Variants in ABLIM3 observed in about 807,000 individuals in gnomAD.
The protein encoded by ABLIM3 is actin binding LIM protein family member 3.
Under a neutral mutation model 109.5 loss-of-function variants are expected in ABLIM3, and 61 were observed. That is an observed-to-expected ratio of 0.56 (90% confidence interval 0.45 to 0.69). The LOEUF is 0.69. Among genes scored for constraint, ABLIM3 ranks in the 30% least tolerant of loss-of-function variants. The pLI is 0.00. For missense variants in ABLIM3, 796 were observed against 889.5 expected (o/e 0.89, Z 1.34); for synonymous variants, 300 against 324.8 (o/e 0.92, Z 0.82).
At chr5:149,193,596 G>C (rs769131939) in intron 3 of ABLIM3, among the ~76,000 whole-genome samples, 11 of 151,998 alleles carry the variant, frequency 7.2e-5, no homozygotes, top group Non-Finnish European at 1.0e-4. Context: ...GTTTTCCATA[G>C]AAATTAAGAA....
chr5:149,184,404 C>T (rs568409753), intron 3 of ABLIM3, among the ~76,000 whole-genome samples: 122 of 152,306 alleles, frequency 8.0e-4, no homozygotes, highest in African/African-American at 2.8e-3. Flanking sequence ...TATTTGTCCT[C>T]ATAAAGTCTG....
chr5:149,185,655 A>G (rs1756884989), intron 3 of ABLIM3, among the ~76,000 whole-genome samples: 1 of 152,216 alleles, frequency 6.6e-6, no homozygotes, highest in Non-Finnish European at 1.5e-5. Context: ...AATATTTTCA[A>G]TGTCCGTTTG....
rs900821062 is a variant in ABLIM3 at position 149,191,302 on chromosome 5, T to C, written c.152-6917T>C. Among the ~76,000 whole-genome samples, 16 of 152,222 alleles carry C rather than the reference T, an allele frequency of 1.1e-4. No individual in the cohort carries two copies. The South Asian group carries it at 1.2e-3, about 12-fold the overall frequency. The stretch of plus-strand genomic sequence containing the variant: ...CATAAAAAGAAATATTATAAACAAT[T>C]TGAGTAATAAATTTTAAAACTTAGA... On this transcript the variant is annotated intron_variant, in intron 3 of 23. Coordinates refer to ENST00000309868, the MANE Select transcript of ABLIM3 (RefSeq NM_014945.5).
At chr5:149,180,872 G>A (rs1009866669) in intron 2 of ABLIM3, among the ~76,000 whole-genome samples, 4 of 152,042 alleles carry the variant, frequency 2.6e-5, no homozygotes, top group South Asian at 2.1e-4. Context: ...TTTTTTATCC[G>A]GGTGGTTCAA....
chr5:149,172,637 G>A (rs1218092084), intron 2 of ABLIM3, among the ~76,000 whole-genome samples: 1 of 152,182 alleles, frequency 6.6e-6, no homozygotes. Context: ...CCACAGGCAG[G>A]ATCCAGCCCC....
At chr5:149,164,343 T>G (rs1349345918) in intron 2 of ABLIM3, 1 of 152,210 alleles carries the variant, frequency 6.6e-6, no homozygotes, top group Non-Finnish European at 1.5e-5. Flanking sequence ...GTTTGTTGAG[T>G]GCCCACAAGA....
chr5:149,233,495 G>T (rs1347144905), intron 10 of ABLIM3, among the ~76,000 whole-genome samples, 195 bp downstream of exon 10: 2 of 152,178 alleles, frequency 1.3e-5, no homozygotes, highest in African/African-American at 4.8e-5. Context: ...CCCTCATGAA[G>T]CAAACAGTCT....
intron 3 of ABLIM3, among the ~76,000 whole-genome samples, chr5:149,186,429 A>T (rs1756965256): frequency 6.6e-6 from 1 of 152,154 alleles, no homozygotes; most frequent in Non-Finnish European, 1.5e-5. Flanking sequence ...AAAAAAAATT[A>T]TGAAAAATTA....
chr5:149,190,163 A>G (rs1757348452), intron 3 of ABLIM3, among the ~76,000 whole-genome samples: 1 of 152,226 alleles, frequency 6.6e-6, no homozygotes, highest in South Asian at 2.1e-4. Flanking sequence ...GGCATATTAT[A>G]TAAAGACAGA....
intron 14 of ABLIM3, among the ~76,000 whole-genome samples, chr5:149,241,821 G>A (rs73269831): frequency 0.037 from 5,603 of 152,234 alleles, 155 homozygotes; most frequent in African/African-American, 0.082. Flanking sequence ...CCCAGGCAGA[G>A]GGAAGAGCAC....
intron 5 of ABLIM3, among the ~76,000 whole-genome samples, chr5:149,206,238 AG>A (rs1375612342): frequency 6.6e-6 from 1 of 152,158 alleles, no homozygotes; most frequent in Non-Finnish European, 1.5e-5. Flanking sequence ...CTCACATTCC[AG>A]GGTGACCGTG....
At chr5:149,225,924 CAT>C (rs1242776430) in intron 8 of ABLIM3, among the ~76,000 whole-genome samples, 175 of 38,642 alleles carry the variant, frequency 4.5e-3, no homozygotes, top group African/African-American at 9.6e-3. Flanking sequence ...ATCATATATA[CAT>C]ATATATATAT....
At chr5:149,245,786 T>C (rs896517445) in intron 16 of ABLIM3, among the ~76,000 whole-genome samples, 6 of 152,066 alleles carry the variant, frequency 3.9e-5, no homozygotes, top group African/African-American at 1.4e-4. Context: ...GGGGAAATTT[T>C]TCCCCCCATC....
intron 10 of ABLIM3, 39 bp downstream of exon 10, chr5:149,233,339 T>C (rs1333802706): frequency 8.8e-6 from 14 of 1,590,376 alleles, no homozygotes; most frequent in Non-Finnish European, 1.2e-5. Context: ...GCCTTCTTTA[T>C]TCCTGACCTG....
chr5:149,142,312 T>C (rs538690790), intron 2 of ABLIM3, among the ~76,000 whole-genome samples: 1 of 152,320 alleles, frequency 6.6e-6, no homozygotes, highest in East Asian at 1.9e-4. Context: ...TTTGCCAATA[T>C]TTTATCAGCG....
At chr5:149,220,824 C>T (rs1033259101) in intron 8 of ABLIM3, 1 of 152,164 alleles carries the variant, frequency 6.6e-6, no homozygotes, top group East Asian at 1.9e-4. Flanking sequence ...ACATCATCGT[C>T]TTTCATTGAT....
intron 2 of ABLIM3, among the ~76,000 whole-genome samples, chr5:149,151,853 T>A (rs1753464130): frequency 6.6e-6 from 1 of 152,234 alleles, no homozygotes. Flanking sequence ...ATTGTTCATT[T>A]GTTTATTCAT....
chr5:149,237,421 T>C, intron 10 of ABLIM3, 27 bp from the exon 11 acceptor site: 2 of 1,611,440 alleles, frequency 1.2e-6, no homozygotes, highest in Non-Finnish European at 1.7e-6. Context: ...TTTCTATTCC[T>C]TTCCTGTCCA....
At chr5:149,178,536 T>C (rs563345355) in intron 2 of ABLIM3, among the ~76,000 whole-genome samples, 3 of 152,312 alleles carry the variant, frequency 2.0e-5, no homozygotes, top group African/African-American at 7.2e-5. Flanking sequence ...GCATAGGTGC[T>C]CCTACCTTTT....
Sources: allele counts gnomAD v4.1 joint callset (sites outside exome capture counted in the v4.1 genomes callset), GRCh38; gene constraint gnomAD v4.1.1; transcripts MANE v1.5; gene names NCBI Gene and HGNC (gene_info 2026-07-23, HGNC 2026-07-21).